Variants in SCN8A observed in about 807,000 individuals in gnomAD.
The protein encoded by SCN8A is sodium channel protein type 8 subunit alpha.
SCN8A carries 30 observed loss-of-function variants against 184.1 expected under a neutral mutation model. The ratio of observed to expected loss-of-function variants is 0.16; its 90% CI spans 0.12 to 0.22. The LOEUF is 0.22. Ranked by LOEUF, SCN8A falls within the 10% of genes least tolerant of loss-of-function variation. SCN8A has a pLI of 1.00. For missense variants in SCN8A, 1,057 were observed against 2,498.9 expected (o/e 0.42, Z 12.30); for synonymous variants, 852 against 907.0 (o/e 0.94, Z 1.09).
At chr12:51,599,828 GTGTT>G (rs1232250930) in intron 1 of SCN8A, among the ~76,000 whole-genome samples, 1 of 152,178 alleles carries the variant, frequency 6.6e-6, no homozygotes, top group Non-Finnish European at 1.5e-5. Context: ...ATGAATGTGT[GTGTT>G]TAACGTTTTT....
chr12:51,668,495 C>G (rs113501268), intron 2 of SCN8A, among the ~76,000 whole-genome samples: 77 of 152,242 alleles, frequency 5.1e-4, no homozygotes, highest in African/African-American at 1.7e-3. Flanking sequence ...TTCTCAGCCT[C>G]AATTGGCTCA....
At chr12:51,728,427 T>C (rs2138794910) in intron 12 of SCN8A, among the ~76,000 whole-genome samples, 1 of 152,192 alleles carries the variant, frequency 6.6e-6, no homozygotes, top group Non-Finnish European at 1.5e-5. Context: ...AGTAATAATT[T>C]CTGTAACAAT....
chr12:51,786,970 C>A, intron 22 of SCN8A, 144 bp downstream of exon 22: 1 of 803,872 alleles, frequency 1.2e-6, no homozygotes, highest in Non-Finnish European at 1.9e-6. Context: ...TTCCCCAAAC[C>A]AGTTTCAGAG....
intron 1 of SCN8A, among the ~76,000 whole-genome samples, chr12:51,635,899 T>C (rs185446989): frequency 2.6e-5 from 4 of 152,320 alleles, no homozygotes; most frequent in African/African-American, 4.8e-5. Context: ...ACTGTATAGC[T>C]TCATAAATTT....
chr12:51,703,380 G>A (rs187648285), intron 9 of SCN8A, among the ~76,000 whole-genome samples: 3 of 152,222 alleles, frequency 2.0e-5, no homozygotes, highest in Admixed American at 2.0e-4. Context: ...CTGGCCTCAA[G>A]TGATCCTCCC....
chr12:51,767,690 A>G (rs1265209225), intron 16 of SCN8A, among the ~76,000 whole-genome samples: 1 of 152,254 alleles, frequency 6.6e-6, no homozygotes, highest in Non-Finnish European at 1.5e-5. Context: ...GAGTAGGCTA[A>G]GGAAATATTT....
intron 12 of SCN8A, among the ~76,000 whole-genome samples, chr12:51,740,156 A>T (rs1010589672): frequency 6.6e-6 from 1 of 152,132 alleles, no homozygotes; most frequent in African/African-American, 2.4e-5. Context: ...TAAACCCACA[A>T]CCTTCCAGCT....
At chr12:51,691,504 T>C (rs1333093889) in intron 6 of SCN8A, among the ~76,000 whole-genome samples, 1 of 152,068 alleles carries the variant, frequency 6.6e-6, no homozygotes, top group Non-Finnish European at 1.5e-5. Context: ...ATAGTAGTGC[T>C]CCATAAATGA....
At chr12:51,754,719 T>A (rs1453868169) in intron 14 of SCN8A, among the ~76,000 whole-genome samples, 1 of 152,252 alleles carries the variant, frequency 6.6e-6, no homozygotes, top group Admixed American at 6.5e-5. Context: ...CTTTCATGTC[T>A]TGACATTTTG....
intron 6 of SCN8A, among the ~76,000 whole-genome samples, chr12:51,695,452 A>C (rs1314669330): frequency 1.3e-5 from 2 of 152,242 alleles, no homozygotes; most frequent in Non-Finnish European, 2.9e-5. Context: ...TCTCCAGGAA[A>C]GTGAATTCCA....
chr12:51,807,679 C>T lies in SCN8A; in HGVS notation c.*250C>T, dbSNP rs1015619681. Reference sequence around the variant, plus strand: ...CAGGTGGTTACTGCATGTTCCACATCAGTCAATGCAACTTAGGACAAAACT... The same window carrying T: ...CAGGTGGTTACTGCATGTTCCACATTAGTCAATGCAACTTAGGACAAAACT... On this transcript the variant is annotated 3_prime_UTR_variant, in exon 27 of 27. Coordinates refer to ENST00000627620, the MANE Select transcript of SCN8A (RefSeq NM_001330260.2). The surrounding 1 kb of genome is among the most constrained non-coding windows in gnomAD (Gnocchi z 4.5). 1 of 541,072 alleles carries T rather than the reference C, an allele frequency of 1.8e-6. No individual in the cohort carries two copies. Among genetic ancestry groups the T allele is most frequent in the Non-Finnish European group, 3.3e-6 (1 of 303,274 alleles). The allele number at this position is 541,072 out of a possible 1,614,324, so 33.5% of individuals were successfully genotyped here.
intron 1 of SCN8A, among the ~76,000 whole-genome samples, chr12:51,612,057 A>G (rs1483272936): frequency 6.6e-6 from 1 of 152,198 alleles, no homozygotes; most frequent in Non-Finnish European, 1.5e-5. Flanking sequence ...CCAGTAAGAT[A>G]TCAAATGTGG....
At chr12:51,739,776 C>T (rs1480651375) in intron 12 of SCN8A, among the ~76,000 whole-genome samples, 1 of 152,180 alleles carries the variant, frequency 6.6e-6, no homozygotes, top group Admixed American at 6.5e-5. Context: ...CCAGCTCGGT[C>T]AGGGAGACCC....
chr12:51,763,124 C>G (rs527779553), intron 15 of SCN8A, among the ~76,000 whole-genome samples: 4 of 152,098 alleles, frequency 2.6e-5, no homozygotes, highest in Admixed American at 6.5e-5. Flanking sequence ...GTCATGGTAG[C>G]CCTTCCAAAA....
At chr12:51,700,760 C>T (rs1941673906) in intron 7 of SCN8A, among the ~76,000 whole-genome samples, 1 of 152,076 alleles carries the variant, frequency 6.6e-6, no homozygotes, top group African/African-American at 2.4e-5. Flanking sequence ...GACCAATGAG[C>T]TCTAAAATAT....
At chr12:51,666,834 T>C (rs762612134) in intron 2 of SCN8A, among the ~76,000 whole-genome samples, 6 of 152,200 alleles carry the variant, frequency 3.9e-5, no homozygotes, top group Non-Finnish European at 8.8e-5. Flanking sequence ...GATACTGTTA[T>C]TTATTCCAGC....
At chr12:51,749,482 T>C (rs943793876) in intron 13 of SCN8A, among the ~76,000 whole-genome samples, 9 of 152,172 alleles carry the variant, frequency 5.9e-5, no homozygotes, top group African/African-American at 2.2e-4. Context: ...TTTCCAAATA[T>C]GTACTGTAAG....
At chr12:51,775,402 A>G (rs1414646389) in intron 20 of SCN8A, among the ~76,000 whole-genome samples, 2 of 152,190 alleles carry the variant, frequency 1.3e-5, no homozygotes, top group East Asian at 1.9e-4. Flanking sequence ...TTCTTTTCCA[A>G]TACATTGTCT....
At chr12:51,754,746 T>C (rs1942648129) in intron 14 of SCN8A, among the ~76,000 whole-genome samples, 1 of 152,250 alleles carries the variant, frequency 6.6e-6, no homozygotes, top group African/African-American at 2.4e-5. Context: ...ACAGGTCATT[T>C]GTTATGTAGA....
Sources: allele counts gnomAD v4.1 joint callset (sites outside exome capture counted in the v4.1 genomes callset), GRCh38; gene constraint gnomAD v4.1.1; non-coding constraint Gnocchi (gnomAD v3.1); transcripts MANE v1.5; gene names NCBI Gene and HGNC (gene_info 2026-07-23, HGNC 2026-07-21).